RAPGEF5: variants seen among roughly 807,000 people sequenced by gnomAD.
RAPGEF5 encodes Rap guanine nucleotide exchange factor 5.
A neutral mutation model predicts 125.2 loss-of-function variants in RAPGEF5; 65 were observed. The ratio of observed to expected loss-of-function variants is 0.52; its 90% CI spans 0.43 to 0.64. RAPGEF5 has a LOEUF of 0.64. RAPGEF5 is among the 30% of genes least tolerant of loss of function. The pLI is 0.00. For missense variants in RAPGEF5, 958 were observed against 1,048.1 expected (o/e 0.91, Z 1.19); for synonymous variants, 391 against 385.9 (o/e 1.01, Z -0.16).
At chr7:22,338,447 A>G (rs773822215) in intron 1 of RAPGEF5, among the ~76,000 whole-genome samples, 1 of 152,230 alleles carries the variant, frequency 6.6e-6, no homozygotes, top group Non-Finnish European at 1.5e-5. Context: ...TGAAATTTGT[A>G]AAATTTTATA....
intron 3 of RAPGEF5, among the ~76,000 whole-genome samples, chr7:22,312,916 T>C (rs941836203): frequency 2.0e-5 from 3 of 152,092 alleles, no homozygotes; most frequent in African/African-American, 7.2e-5. Flanking sequence ...AATACCTAAA[T>C]CCACAGGACT....
chr7:22,251,775 C>CAAAAAA (rs58681076), intron 7 of RAPGEF5, among the ~76,000 whole-genome samples: 8,083 of 73,284 alleles, frequency 0.11, 1,382 homozygotes, highest in Non-Finnish European at 0.14. Context: ...GTTTCATTGA[C>CAAAAAA]AAAAAAAAAA....
chr7:22,266,202 C>T (rs1782278370), intron 7 of RAPGEF5, among the ~76,000 whole-genome samples: 1 of 152,132 alleles, frequency 6.6e-6, no homozygotes, highest in Non-Finnish European at 1.5e-5. Context: ...TTGTCATAGT[C>T]TTTTCGCCTG....
At chr7:22,147,060 A>C in intron 18 of RAPGEF5, 41 bp from the exon 19 acceptor site, 1 of 1,604,622 alleles carries the variant, frequency 6.2e-7, no homozygotes, top group Non-Finnish European at 8.5e-7. Context: ...TAATTCCCAA[A>C]TGTTTTGCAC....
At chr7:22,245,023 G>A (rs1245521966) in intron 7 of RAPGEF5, among the ~76,000 whole-genome samples, 1 of 152,150 alleles carries the variant, frequency 6.6e-6, no homozygotes, top group East Asian at 1.9e-4. Context: ...CTAACAAGTA[G>A]CAGGTGATAG....
intron 5 of RAPGEF5, among the ~76,000 whole-genome samples, chr7:22,304,819 CT>C (rs1300705043): frequency 6.6e-6 from 1 of 152,226 alleles, no homozygotes. Context: ...TGCTCCTTGA[CT>C]TTTCTCAGGA....
At chr7:22,175,862 G>T (rs921158014) in intron 11 of RAPGEF5, among the ~76,000 whole-genome samples, 10 of 152,066 alleles carry the variant, frequency 6.6e-5, no homozygotes, top group Non-Finnish European at 1.3e-4. Flanking sequence ...GCACCAAAAG[G>T]TTCTGTATTA....
intron 9 of RAPGEF5, among the ~76,000 whole-genome samples, chr7:22,197,169 T>C (rs1785165709): frequency 6.6e-6 from 1 of 152,088 alleles, no homozygotes; most frequent in South Asian, 2.1e-4. Flanking sequence ...AAAGTGATGA[T>C]GAGGTCACTT....
Position 22,120,414 on chromosome 7 carries a change from C to A in RAPGEF5, c.*1992G>T, listed in dbSNP as rs1782548591. 1 of 152,562 alleles carries A rather than the reference C, an allele frequency of 6.6e-6. No homozygotes were observed. The highest frequency in any genetic ancestry group is 1.5e-5 in the Non-Finnish European group (1 of 68,032). 9.5% of individuals were successfully genotyped at this position (152,562 alleles called of 1,614,324 possible). On this transcript the variant is annotated 3_prime_UTR_variant, in exon 26 of 26. Coordinates refer to ENST00000665637, the MANE Select transcript of RAPGEF5 (RefSeq NM_012294.5). The surrounding 1 kb of genome is among the most constrained non-coding windows in gnomAD (Gnocchi z 4.0). ...ATGTTCTACTAGGAGCAATGTAGTTCTAATGTAAATAAAAATCCAAATTTT... is the reference window on the plus strand; with the variant it reads ...ATGTTCTACTAGGAGCAATGTAGTTATAATGTAAATAAAAATCCAAATTTT...
intron 2 of RAPGEF5, among the ~76,000 whole-genome samples, chr7:22,316,422 C>T (rs1040667931): frequency 6.9e-6 from 1 of 145,300 alleles, no homozygotes; most frequent in Non-Finnish European, 1.5e-5. Flanking sequence ...TACATACACA[C>T]ACATATATAC....
chr7:22,157,947 T>C, intron 14 of RAPGEF5, 62 bp from the exon 15 acceptor site: 2 of 1,503,338 alleles, frequency 1.3e-6, no homozygotes, highest in Non-Finnish European at 1.8e-6. Flanking sequence ...GCAGTTATTG[T>C]TACGGAAGAC....
intron 7 of RAPGEF5, among the ~76,000 whole-genome samples, chr7:22,265,468 T>TG (rs1260565132): frequency 6.6e-6 from 1 of 152,238 alleles, no homozygotes; most frequent in Non-Finnish European, 1.5e-5. Context: ...AATATTTCAT[T>TG]GTGTATACGT....
chr7:22,135,140 C>A (rs1277349659), intron 23 of RAPGEF5, among the ~76,000 whole-genome samples: 3 of 152,162 alleles, frequency 2.0e-5, no homozygotes, highest in Non-Finnish European at 1.5e-5. Flanking sequence ...CCAGGCCAAC[C>A]AGCAATCCAG....
At chr7:22,133,733 C>T (rs781018662) in intron 23 of RAPGEF5, among the ~76,000 whole-genome samples, 12 of 152,182 alleles carry the variant, frequency 7.9e-5, no homozygotes, top group Non-Finnish European at 1.6e-4. Context: ...ACATGAACTA[C>T]GACTCCTTAG....
At position 22,270,988 on chromosome 7, in the gene RAPGEF5, A is replaced by G. The variant is rs184200009; in HGVS notation, c.748-3976T>C. 1.1e-3 allele frequency among the ~76,000 whole-genome samples: 173 copies of G among 152,298 alleles called. 1 individual carries two copies. Among genetic ancestry groups the G allele is most frequent in the East Asian group, 1.5e-3 (8 of 5,184 alleles). On this transcript the variant is annotated intron_variant, in intron 6 of 25. Transcript: ENST00000665637. The stretch of plus-strand genomic sequence containing the variant: ...TCTAATGTAGGACTGTGAATAAGGG[A>G]CTGTAAACCTCTACTAGTGTTACAT...
chr7:22,169,341 T>C (rs1399744935), intron 11 of RAPGEF5, among the ~76,000 whole-genome samples: 4 of 152,196 alleles, frequency 2.6e-5, no homozygotes, highest in Admixed American at 2.0e-4. Context: ...TAATGAGAAA[T>C]TTGGAATATA....
chr7:22,305,495 T>G (rs1022629280), intron 5 of RAPGEF5, among the ~76,000 whole-genome samples: 28 of 152,298 alleles, frequency 1.8e-4, no homozygotes, highest in African/African-American at 6.0e-4. Flanking sequence ...CAGTGTGAAA[T>G]AAGCACATCA....
chr7:22,188,264 G>C (rs1277669390), intron 11 of RAPGEF5, among the ~76,000 whole-genome samples: 2 of 152,170 alleles, frequency 1.3e-5, no homozygotes, highest in African/African-American at 4.8e-5. Context: ...TAAAAGGCAA[G>C]GTAAGCAAGG....
At chr7:22,317,033 G>A (rs1783615862) in intron 2 of RAPGEF5, among the ~76,000 whole-genome samples, 1 of 150,926 alleles carries the variant, frequency 6.6e-6, no homozygotes, top group South Asian at 2.1e-4. Flanking sequence ...TATTACCGAG[G>A]AAGCGGTGTG....
Sources: gnomAD v4.1 joint callset for allele counts (sites outside exome capture counted in the v4.1 genomes callset) on GRCh38, gnomAD v4.1.1 for gene constraint, Gnocchi (gnomAD v3.1) non-coding constraint, MANE v1.5 for transcripts, NCBI Gene and HGNC (gene_info 2026-07-23, HGNC 2026-07-21) for gene names.